FAM13B: variants seen among roughly 807,000 people sequenced by gnomAD.
The protein encoded by FAM13B is family with sequence similarity 13 member B.
A neutral mutation model predicts 117.3 loss-of-function variants in FAM13B; 60 were observed. That is an observed-to-expected ratio of 0.51 (90% CI 0.42 to 0.63). The LOEUF is 0.63. Among genes scored for constraint, FAM13B ranks in the 30% least tolerant of loss-of-function variants. FAM13B has a pLI of 0.00. For missense variants in FAM13B, 972 were observed against 1,091.9 expected (o/e 0.89, Z 1.55); for synonymous variants, 332 against 356.1 (o/e 0.93, Z 0.76).
intron 1 of FAM13B, among the ~76,000 whole-genome samples, chr5:138,027,154 A>G (rs1222998600): frequency 6.6e-6 from 1 of 152,110 alleles, no homozygotes; most frequent in Non-Finnish European, 1.5e-5. Flanking sequence ...AAAGTGCCAC[A>G]TTGAAGTAAA....
chr5:137,980,864 T>C (rs1447745649), intron 10 of FAM13B, among the ~76,000 whole-genome samples: 2 of 152,056 alleles, frequency 1.3e-5, no homozygotes, highest in East Asian at 1.9e-4. Flanking sequence ...TTCTAGATAA[T>C]AGGGATGTAA....
chr5:138,034,026 T>C (rs1180952010), upstream of FAM13B: 1 of 152,236 alleles, frequency 6.6e-6, no homozygotes, highest in Non-Finnish European at 1.5e-5. Context: ...GTAAATGGGC[T>C]ACAGAGGCCA....
At chr5:137,969,346 G>A (rs1366679673) in intron 10 of FAM13B, among the ~76,000 whole-genome samples, 2 of 152,216 alleles carry the variant, frequency 1.3e-5, no homozygotes, top group Non-Finnish European at 1.5e-5. Flanking sequence ...CCCAGCAGGG[G>A]CAGACTGACA....
At chr5:138,039,973 A>T (rs1402488032) in intron 1 of FAM13B, 1 of 152,206 alleles carries the variant, frequency 6.6e-6, no homozygotes, top group Non-Finnish European at 1.5e-5. Context: ...CTTCATAGAA[A>T]GAAACCAACC....
At chr5:137,997,084 G>T (rs1780051749) in intron 7 of FAM13B, among the ~76,000 whole-genome samples, 1 of 152,092 alleles carries the variant, frequency 6.6e-6, no homozygotes, top group Non-Finnish European at 1.5e-5. Flanking sequence ...AAAGCACAGG[G>T]AAGAAAAGGT....
chr5:137,972,514 G>A (rs1464542502), intron 10 of FAM13B, among the ~76,000 whole-genome samples: 3 of 151,312 alleles, frequency 2.0e-5, no homozygotes, highest in South Asian at 4.2e-4. Context: ...TACTGAATGG[G>A]CAAAAACTGG....
chr5:137,939,806 A>C lies in FAM13B; in HGVS notation c.*419T>G. ...CTTTCAAATTTTCAGTCATTCTGTA[A>C]GAAAAAGGCAACAGAAGAATTCAGT... On this transcript the variant is annotated 3_prime_UTR_variant, in exon 24 of 24. Coordinates refer to ENST00000689681, the MANE Select transcript of FAM13B (RefSeq NM_001385994.1). 8.3e-7 allele frequency: 1 copy of C among 1,199,872 alleles called. No homozygotes were observed. Among genetic ancestry groups the C allele is most frequent in the Non-Finnish European group, 1.0e-6 (1 of 961,586 alleles). The allele number at this position is 1,199,872 out of a possible 1,614,324, so 74.3% of individuals were successfully genotyped here. A position where few individuals can be genotyped will look rare whatever the true frequency, so the allele number is the denominator to read the frequency against.
upstream of FAM13B, chr5:138,051,984 G>C (rs999190584): frequency 7.9e-5 from 12 of 151,874 alleles, no homozygotes; most frequent in African/African-American, 2.9e-4. Flanking sequence ...TGCCAAAAAA[G>C]TCTGTTCAGG....
intron 10 of FAM13B, among the ~76,000 whole-genome samples, chr5:137,974,408 A>G (rs1051074850): frequency 5.1e-5 from 7 of 136,480 alleles, no homozygotes; most frequent in Non-Finnish European, 1.1e-4. Flanking sequence ...GAATTGAACA[A>G]TGAGAACACA....
At position 138,024,765 on chromosome 5, in the gene FAM13B, ACT is replaced by A. The variant is rs1301525199; in HGVS notation, c.-202-3570_-202-3569del. On this transcript the variant is annotated intron_variant, in intron 1 of 23. Transcript: ENST00000689681. ...AATAACCAAGTATTTCCAAAAGCAT[ACT>A]GTTATAAATCTAAACAGCAAAATTT... Among the ~76,000 whole-genome samples, 9 of 151,868 alleles carry A rather than the reference ACT, an allele frequency of 5.9e-5. 1 individual carries two copies. Among genetic ancestry groups the A allele is most frequent in the Non-Finnish European group, 7.4e-5 (5 of 67,974 alleles).
At chr5:137,976,216 A>G (rs142404502) in intron 10 of FAM13B, among the ~76,000 whole-genome samples, 1 of 151,898 alleles carries the variant, frequency 6.6e-6, no homozygotes, top group South Asian at 2.1e-4. Flanking sequence ...CGGCCTCCCA[A>G]AGTGCTGGGA....
At chr5:137,965,038 G>A (rs1426043433) in intron 10 of FAM13B, among the ~76,000 whole-genome samples, 3 of 151,956 alleles carry the variant, frequency 2.0e-5, no homozygotes, top group Non-Finnish European at 2.9e-5. Context: ...AGTAGTGTGC[G>A]CCTGTAATCC....
chr5:137,995,735 G>A (rs1164008467), intron 7 of FAM13B, among the ~76,000 whole-genome samples: 1 of 152,176 alleles, frequency 6.6e-6, no homozygotes, highest in Admixed American at 6.5e-5. Flanking sequence ...TACAAAGTTA[G>A]TCAATAAGTT....
intron 7 of FAM13B, among the ~76,000 whole-genome samples, chr5:137,990,829 T>C (rs1482376055): frequency 1.3e-5 from 2 of 152,058 alleles, no homozygotes; most frequent in African/African-American, 2.4e-5. Context: ...AAAATTTATA[T>C]ATATTTCTGC....
chr5:137,987,711 T>C (rs1423335231), intron 8 of FAM13B, 95 bp from the exon 9 acceptor site: 1 of 1,169,716 alleles, frequency 8.5e-7, no homozygotes, highest in East Asian at 2.5e-5. Flanking sequence ...AGTAAAACTA[T>C]TATGGTACTT....
chr5:138,007,218 T>C, intron 6 of FAM13B, 71 bp from the exon 7 acceptor site: 1 of 1,203,512 alleles, frequency 8.3e-7, no homozygotes, highest in Non-Finnish European at 1.1e-6. Context: ...CATACTATTC[T>C]ATGAAAATTT....
upstream of FAM13B, chr5:138,037,013 T>G (rs1368525921): frequency 5.3e-6 from 1 of 188,638 alleles, no homozygotes; most frequent in African/African-American, 2.4e-5. Context: ...GAACAGCAAT[T>G]CTGTTTGTTA....
chr5:137,980,392 A>G (rs796656933), intron 10 of FAM13B, among the ~76,000 whole-genome samples: 4 of 152,086 alleles, frequency 2.6e-5, no homozygotes, highest in African/African-American at 7.2e-5. Context: ...ACAATTTTAG[A>G]AAGAATTAGT....
At chr5:137,942,690 G>A in intron 22 of FAM13B, 185 bp downstream of exon 22, 1 of 575,416 alleles carries the variant, frequency 1.7e-6, no homozygotes, top group East Asian at 3.2e-5. Context: ...TTGAAATACA[G>A]TAATGTTTTA....
Sources: allele counts gnomAD v4.1 joint callset (sites outside exome capture counted in the v4.1 genomes callset), GRCh38; gene constraint gnomAD v4.1.1; transcripts MANE v1.5; gene names NCBI Gene and HGNC (gene_info 2026-07-23, HGNC 2026-07-21).